Variants in PRELID2 observed in about 807,000 individuals in gnomAD.
PRELID2 encodes the protein PRELI domain containing 2.
In PRELID2, 25 loss-of-function variants were observed where a neutral mutation model predicts 28.4. That is an observed-to-expected ratio of 0.88 (90% CI 0.64 to 1.23). The LOEUF is 1.23. Among genes scored for constraint, PRELID2 ranks in the 50% most tolerant of loss-of-function variants. The pLI, the probability that PRELID2 is intolerant of heterozygous loss-of-function variation, is 0.00. For synonymous variants in PRELID2, 76 were observed against 71.6 expected, an observed-to-expected ratio of 1.06 and a Z score of -0.31; for missense variants, 201 against 214.4, an observed-to-expected ratio of 0.94 and a Z score of 0.39.
intron 1 of PRELID2, among the ~76,000 whole-genome samples, chr5:145,577,973 G>T (rs62395864): frequency 6.6e-6 from 1 of 152,038 alleles, no homozygotes; most frequent in Non-Finnish European, 1.5e-5. Flanking sequence ...AATCAATGAC[G>T]AATGACATTT....
the PRELID2 span, among the ~76,000 whole-genome samples, chr5:145,332,269 T>C: frequency 6.6e-6 from 1 of 152,204 alleles, no homozygotes; most frequent in East Asian, 1.9e-4. Context: ...TCAAGGAATA[T>C]CTTTGTGGTG....
At chr5:145,284,801 T>G in the PRELID2 span, among the ~76,000 whole-genome samples, 323 of 152,294 alleles carry the variant, frequency 2.1e-3, 9 homozygotes, top group East Asian at 0.054. Flanking sequence ...TCAAGGAATT[T>G]TCTTAACTAA....
the PRELID2 span, among the ~76,000 whole-genome samples, chr5:145,369,496 C>T: frequency 6.6e-6 from 1 of 152,002 alleles, no homozygotes; most frequent in Non-Finnish European, 1.5e-5. Context: ...GTATATGTAC[C>T]ACATTTTCTT....
At chr5:145,375,842 A>G in the PRELID2 span, among the ~76,000 whole-genome samples, 1 of 152,236 alleles carries the variant, frequency 6.6e-6, no homozygotes, top group African/African-American at 2.4e-5. Flanking sequence ...GGGGAAAAGC[A>G]CAGCCTGGAG....
the PRELID2 span, among the ~76,000 whole-genome samples, chr5:145,286,882 T>C: frequency 3.3e-3 from 497 of 152,204 alleles, 9 homozygotes; most frequent in Non-Finnish European, 8.7e-4. Flanking sequence ...GCTAATTTTT[T>C]GTATTTTTAG....
intron 6 of PRELID2, among the ~76,000 whole-genome samples, chr5:145,761,982 G>A (rs577087593): frequency 6.6e-6 from 1 of 152,192 alleles, no homozygotes; most frequent in Admixed American, 6.5e-5. Context: ...TCAAGAAAAT[G>A]GGAGAAAAGG....
At chr5:145,366,629 C>G in the PRELID2 span, among the ~76,000 whole-genome samples, 1 of 151,800 alleles carries the variant, frequency 6.6e-6, no homozygotes, top group African/African-American at 2.4e-5. Context: ...CTTCTTTTTT[C>G]CACATAGCTT....
chr5:145,254,591 C>T, the PRELID2 span, among the ~76,000 whole-genome samples: 1 of 152,082 alleles, frequency 6.6e-6, no homozygotes, highest in Non-Finnish European at 1.5e-5. Flanking sequence ...AGAAACCCTA[C>T]AGGTCATGGG....
At chr5:145,315,522 T>C in the PRELID2 span, among the ~76,000 whole-genome samples, 1 of 151,762 alleles carries the variant, frequency 6.6e-6, no homozygotes, top group Admixed American at 6.6e-5. Context: ...TACCTGGATG[T>C]CCTAGTTTGC....
chr5:145,232,061 A>T, the PRELID2 span, among the ~76,000 whole-genome samples: 3 of 152,236 alleles, frequency 2.0e-5, no homozygotes, highest in Non-Finnish European at 4.4e-5. Flanking sequence ...TTAAAAACAC[A>T]TTGAAACTTT....
chr5:145,259,483 TG>T, the PRELID2 span, among the ~76,000 whole-genome samples: 2 of 152,230 alleles, frequency 1.3e-5, no homozygotes, highest in Non-Finnish European at 2.9e-5. Context: ...CAGCATTCTC[TG>T]GATGTGGGAT....
At chr5:145,779,297 A>G (rs761402756) in intron 5 of PRELID2, among the ~76,000 whole-genome samples, 3 of 152,192 alleles carry the variant, frequency 2.0e-5, no homozygotes, top group Admixed American at 1.3e-4. Context: ...GAAAGTAGTC[A>G]CATACAGTTA....
chr5:145,741,325 T>G lies in PRELID2; in HGVS notation n.70+23606A>C, dbSNP rs1189765117. Among the ~76,000 whole-genome samples, 313 of 32,954 alleles carry G rather than the reference T, an allele frequency of 9.5e-3. 2 individuals are homozygous for G. The highest frequency in any genetic ancestry group is 0.024 in the African/African-American group (282 of 11,848). The allele number at this position is 32,954 out of a possible 152,430, so 21.6% of individuals were successfully genotyped here. A position where few individuals can be genotyped will look rare whatever the true frequency, so the allele number is the denominator to read the frequency against. ...ATAAATAATTTATTTATAAATAAAT[T>G]ATTTATATATAAATAAAATTTATTA... On this transcript the variant is annotated intron_variant and non_coding_transcript_variant, in intron 1 of 2. Transcript: ENST00000510259.
At chr5:145,493,477 CT>C (rs1407404990) in intron 1 of PRELID2, among the ~76,000 whole-genome samples, 2 of 152,126 alleles carry the variant, frequency 1.3e-5, no homozygotes, top group African/African-American at 4.8e-5. Context: ...ATTCTCTTGC[CT>C]AAAATTGTGC....
At chr5:145,619,102 A>G (rs755745769) in intron 1 of PRELID2, among the ~76,000 whole-genome samples, 1 of 152,016 alleles carries the variant, frequency 6.6e-6, no homozygotes, top group Non-Finnish European at 1.5e-5. Flanking sequence ...GTCCCAGGCT[A>G]CCCGCCTCCC....
the PRELID2 span, chr5:145,338,515 T>C: frequency 1.3e-5 from 2 of 152,244 alleles, no homozygotes; most frequent in Non-Finnish European, 2.9e-5. Flanking sequence ...CAAATTGCTG[T>C]TTTACCTGTT....
At chr5:145,832,773 CCACACCACACCACA>C (rs927396477) in intron 1 of PRELID2, among the ~76,000 whole-genome samples, 26 of 151,878 alleles carry the variant, frequency 1.7e-4, no homozygotes, top group African/African-American at 5.3e-4. Flanking sequence ...CATACACACA[CCACACCACACCACA>C]CACACCACAC....
chr5:145,711,968 A>G (rs1755707882), intron 1 of PRELID2, among the ~76,000 whole-genome samples: 1 of 152,188 alleles, frequency 6.6e-6, no homozygotes, highest in Non-Finnish European at 1.5e-5. Flanking sequence ...TACAAAACAC[A>G]AAGGTATCTC....
At chr5:145,652,855 T>C (rs1274261427) in intron 1 of PRELID2, among the ~76,000 whole-genome samples, 1 of 152,084 alleles carries the variant, frequency 6.6e-6, no homozygotes, top group African/African-American at 2.4e-5. Context: ...ACAGGCAAAA[T>C]AACCAGCTAT....
Sources: gnomAD v4.1 joint callset for allele counts (sites outside exome capture counted in the v4.1 genomes callset) on GRCh38, gnomAD v4.1.1 for gene constraint, MANE v1.5 for transcripts, NCBI Gene and HGNC (gene_info 2026-07-23, HGNC 2026-07-21) for gene names.